DNAH3: variants seen among roughly 807,000 people sequenced by gnomAD.
DNAH3 encodes axonemal beta dynein heavy chain 3.
In DNAH3, 332 loss-of-function variants were observed where a neutral mutation model predicts 432.5. That is an observed-to-expected ratio of 0.77 (90% confidence interval 0.70 to 0.84). The LOEUF is 0.84. DNAH3 is among the 40% of genes least tolerant of loss of function. The probability of loss-of-function intolerance (pLI) is 0.00; values close to 1 mark genes in which losing one functional copy is unlikely to be tolerated. For synonymous variants in DNAH3, 1,956 were observed against 1,900.2 expected (o/e 1.03, Z -0.76); for missense variants, 4,861 against 5,114.0 (o/e 0.95, Z 1.51).
chr16:21,112,517 G>A (rs2092099667), intron 12 of DNAH3, among the ~76,000 whole-genome samples: 1 of 152,110 alleles, frequency 6.6e-6, no homozygotes, highest in African/African-American at 2.4e-5. Flanking sequence ...AGCAAAAGTG[G>A]AAACCCCTGA....
At chr16:21,138,825 A>AG (rs1261597306) in intron 5 of DNAH3, among the ~76,000 whole-genome samples, 1 of 148,132 alleles carries the variant, frequency 6.8e-6, no homozygotes, top group Non-Finnish European at 1.5e-5. Context: ...AAAAAAAAAC[A>AG]ACACAGAGAC....
At chr16:21,049,477 G>A (rs2089861855) in intron 31 of DNAH3, 92 bp downstream of exon 31, 6 of 952,696 alleles carry the variant, frequency 6.3e-6, no homozygotes, top group African/African-American at 1.6e-5. Context: ...CCATACAAGA[G>A]ATATAAGGCC....
intron 24 of DNAH3, among the ~76,000 whole-genome samples, chr16:21,063,579 G>C (rs957181373): frequency 5.4e-5 from 8 of 147,394 alleles, no homozygotes; most frequent in African/African-American, 1.5e-4. Flanking sequence ...GTCTGTCTCT[G>C]TCACCCGGCC....
chr16:21,028,071 C>T (rs1051087229), intron 37 of DNAH3, among the ~76,000 whole-genome samples: 1 of 152,166 alleles, frequency 6.6e-6, no homozygotes, highest in African/African-American at 2.4e-5. Context: ...ACTCCATCCT[C>T]GACCTTTGGG....
intron 34 of DNAH3, among the ~76,000 whole-genome samples, chr16:21,037,448 T>A (rs1461151546): frequency 6.6e-6 from 1 of 152,214 alleles, no homozygotes; most frequent in Non-Finnish European, 1.5e-5. Flanking sequence ...TCTGTCCTTA[T>A]GAAGCTCAGA....
exon 10 of DNAH3, chr16:21,122,010 C>G: frequency 6.2e-7 from 1 of 1,613,758 alleles, no homozygotes; most frequent in Non-Finnish European, 8.5e-7. Context: ...TCCCAGCAGC[C>G]ATCAAAAGAT....
At chr16:21,033,610 G>A (rs1298381012) in intron 36 of DNAH3, among the ~76,000 whole-genome samples, 2 of 152,078 alleles carry the variant, frequency 1.3e-5, no homozygotes, top group Non-Finnish European at 2.9e-5. Flanking sequence ...GAAGGGAACA[G>A]GAAAAGAAGA....
chr16:21,066,773 T>G (rs182479580), intron 24 of DNAH3, among the ~76,000 whole-genome samples: 6 of 152,188 alleles, frequency 3.9e-5, no homozygotes, highest in Admixed American at 1.3e-4. Context: ...ACTACAAAAT[T>G]TGATGGTATA....
chr16:21,071,690 C>A (rs1237243150), intron 21 of DNAH3, among the ~76,000 whole-genome samples: 1 of 152,000 alleles, frequency 6.6e-6, no homozygotes, highest in African/African-American at 2.4e-5. Context: ...GAATTCAAGA[C>A]CAGCCTAGGC....
rs1253487145 is a variant in DNAH3 at position 20,959,165 on chromosome 16, G to T, written c.10826+14C>A. On this transcript the variant is annotated intron_variant, in intron 54 of 61. Coordinates refer to ENST00000261383, the Ensembl canonical transcript of DNAH3. ...TTGGGTCCCAGAGAAGGCAGTGGTG[G>T]GACAGCATCTCACCTGAATCTGGCA... is the stretch of plus-strand genomic sequence containing the variant. 3.7e-6 allele frequency: 6 copies of T among 1,610,278 alleles called. No individual in the cohort carries two copies. The highest frequency in any genetic ancestry group is 5.1e-6 in the Non-Finnish European group (6 of 1,176,692).
intron 1 of DNAH3, among the ~76,000 whole-genome samples, chr16:21,152,720 A>G (rs1028737158): frequency 6.6e-6 from 1 of 152,228 alleles, no homozygotes; most frequent in Non-Finnish European, 1.5e-5. Flanking sequence ...GGCCCCGGGC[A>G]ATGAGGGGCT....
intron 6 of DNAH3, 43 bp from the exon 8 acceptor site, chr16:21,134,497 G>C (rs770172176): frequency 6.5e-7 from 1 of 1,547,018 alleles, no homozygotes; most frequent in Admixed American, 1.8e-5. Flanking sequence ...AAGCTCTAAG[G>C]GTTGTGCTCT....
At chr16:21,090,385 A>C (rs1231723188) in intron 18 of DNAH3, among the ~76,000 whole-genome samples, 3 of 151,626 alleles carry the variant, frequency 2.0e-5, no homozygotes, top group African/African-American at 4.9e-5. Context: ...AAAAAAAAAA[A>C]ACCCTACAGA....
intron 41 of DNAH3, among the ~76,000 whole-genome samples, chr16:21,013,136 G>A (rs1163495598): frequency 6.6e-6 from 1 of 152,024 alleles, no homozygotes; most frequent in Non-Finnish European, 1.5e-5. Context: ...TAAATAAAAG[G>A]AAGCAGAACA....
At chr16:20,936,897 C>T in intron 59 of DNAH3, 44 bp from the exon 60 acceptor site, 2 of 1,514,400 alleles carry the variant, frequency 1.3e-6, no homozygotes, top group African/African-American at 2.8e-5. Flanking sequence ...CTCCGGTGGC[C>T]ACATTCTACC....
At chr16:21,134,729 C>T (rs999969416) in intron 6 of DNAH3, among the ~76,000 whole-genome samples, 1 of 151,890 alleles carries the variant, frequency 6.6e-6, no homozygotes, top group African/African-American at 2.4e-5. Context: ...CGCCCAGGCT[C>T]GATTGCAATG....
rs1210965582 is a variant in DNAH3, at chr16:20,964,526, G to A, written c.9358C>T (p.Gln3120Ter). The A allele has an allele frequency of 1.2e-6, 2 of 1,614,022 alleles. No individual in the cohort carries two copies. Among genetic ancestry groups the A allele is most frequent in the Admixed American group, 1.7e-5 (1 of 59,990 alleles). ...TCAATCAAGACAGGGGTGCCTAACT[G>A]CAGCGCGTTTTCCAGCATCCTCATG... is the stretch of plus-strand genomic sequence containing the variant. Residue 3120 changes from glutamine (Q) to a stop codon, truncating the protein, a stop_gained, in exon 53 of 62, where the codon CAG (glutamine) becomes TAG (stop). Transcript: ENST00000261383. LOFTEE classifies it high-confidence loss of function.
intron 10 of DNAH3, 147 bp downstream of exon 11, chr16:21,121,798 G>T: frequency 1.8e-6 from 1 of 557,236 alleles, no homozygotes. Context: ...TTTGTCTGGG[G>T]TCAAGGGGTT....
exon 46 of DNAH3, chr16:20,987,737 G>C (rs752042147): frequency 6.8e-6 from 11 of 1,614,148 alleles, no homozygotes; most frequent in Non-Finnish European, 6.8e-6. Context: ...TGAATCACTC[G>C]TGAGAAGTCC....
Sources: gnomAD v4.1 joint callset for allele counts (sites outside exome capture counted in the v4.1 genomes callset) on GRCh38, gnomAD v4.1.1 for gene constraint, MANE v1.5 for transcripts, NCBI Gene and HGNC (gene_info 2026-07-23, HGNC 2026-07-21) for gene names.